UNC13B: variants seen among roughly 807,000 people sequenced by gnomAD.
The protein encoded by UNC13B is unc-13 homolog B, also known as protein unc-13 homolog B.
A neutral mutation model predicts 211.0 loss-of-function variants in UNC13B; 144 were observed. The ratio of observed to expected loss-of-function variants is 0.68; its 90% CI spans 0.60 to 0.78. The LOEUF (loss-of-function observed/expected upper bound fraction) is 0.78, where lower values mean the gene tolerates loss of function less well. Among genes scored for constraint, UNC13B ranks in the 30% least tolerant of loss-of-function variants. The pLI is 0.00. For missense variants in UNC13B, 1,777 were observed against 2,002.0 expected (o/e 0.89, Z 2.14); for synonymous variants, 709 against 725.8 (o/e 0.98, Z 0.37).
At chr9:35,333,862 T>C (rs1327788500) in intron 11 of UNC13B, among the ~76,000 whole-genome samples, 1 of 152,194 alleles carries the variant, frequency 6.6e-6, no homozygotes, top group Non-Finnish European at 1.5e-5. Context: ...GTAATTGGGC[T>C]AATATGCTGG....
intron 1 of UNC13B, among the ~76,000 whole-genome samples, chr9:35,181,090 G>A (rs372819513): frequency 1.7e-3 from 258 of 152,014 alleles, no homozygotes; most frequent in African/African-American, 5.7e-3. Flanking sequence ...AGAATGAGAC[G>A]CTGTTTCAAA....
At chr9:35,200,928 A>G (rs1428435665) in intron 1 of UNC13B, among the ~76,000 whole-genome samples, 7 of 152,180 alleles carry the variant, frequency 4.6e-5, no homozygotes, top group African/African-American at 1.4e-4. Context: ...TTCAAAGGGA[A>G]GGCTTCCAGT....
chr9:35,367,008 G>A lies in UNC13B; in HGVS notation c.9461+15G>A, dbSNP rs1833815688. On this transcript the variant is annotated intron_variant, in intron 12 of 39. Transcript: ENST00000635942. ...CTCCCGGAAGGGTAAGTAATTCACT[G>A]CAAGGTTTCTGTGGATTTTATTCAG... 1 of 1,611,268 alleles carries A rather than the reference G, an allele frequency of 6.2e-7. No homozygotes were observed. Among genetic ancestry groups the A allele is most frequent in the African/African-American group, 1.3e-5 (1 of 74,874 alleles).
intron 11 of UNC13B, among the ~76,000 whole-genome samples, chr9:35,323,106 A>T (rs902896078): frequency 3.3e-5 from 5 of 150,720 alleles, no homozygotes; most frequent in Non-Finnish European, 7.4e-5. Flanking sequence ...TGTCTCATGG[A>T]TCAGTCCAGA....
At chr9:35,221,947 G>A (rs1001845646) in intron 1 of UNC13B, among the ~76,000 whole-genome samples, 1 of 152,152 alleles carries the variant, frequency 6.6e-6, no homozygotes. Context: ...TGGCAATTTT[G>A]TTGAAAATCA....
chr9:35,203,787 GT>G (rs1471981364), intron 1 of UNC13B, among the ~76,000 whole-genome samples: 1 of 152,234 alleles, frequency 6.6e-6, no homozygotes, highest in Admixed American at 6.5e-5. Flanking sequence ...GAGCATGAAA[GT>G]TTGGGAAATT....
At chr9:35,200,665 T>G (rs1055792977) in intron 1 of UNC13B, among the ~76,000 whole-genome samples, 18 of 152,214 alleles carry the variant, frequency 1.2e-4, no homozygotes, top group African/African-American at 4.3e-4. Context: ...GGAATGCTTG[T>G]GATTTTTGCA....
Position 35,370,357 on chromosome 9 carries a change from T to C in UNC13B, c.9501T>C (p.Asp3167=). The C allele has an allele frequency of 6.2e-7, 1 of 1,613,980 alleles. No individual in the cohort carries two copies. The highest frequency in any genetic ancestry group is 8.5e-7 in the Non-Finnish European group (1 of 1,180,006). The change falls in exon 13 of 40, where the codon GAT becomes GAC. Residue 3167 remains aspartate (D), a synonymous_variant. Transcript: ENST00000635942. ...TCTATGGCATTGACAGCATGCCAGA[T>C]TTACGCAGAAAGAAGCCACTGCCAC... ...GGLYGIDSMP[D]LRRKKPLPLV... is the part of the protein sequence containing the mutation.
chr9:35,192,503 A>T (rs1014678868), intron 1 of UNC13B, among the ~76,000 whole-genome samples: 3 of 152,208 alleles, frequency 2.0e-5, no homozygotes, highest in African/African-American at 7.2e-5. Flanking sequence ...GAAAGCTTCT[A>T]TATACCTATC....
At position 35,304,570 on chromosome 9, in the gene UNC13B, T is replaced by C; in HGVS notation, c.5166T>C (p.Ser1722=). 2.5e-6 allele frequency: 1 copy of C among 398,784 alleles called. No individual in the cohort carries two copies. The highest frequency in any genetic ancestry group is 4.4e-6 in the Non-Finnish European group (1 of 225,920). The allele number at this position is 398,784 out of a possible 1,614,324, so 24.7% of individuals were successfully genotyped here. A position where few individuals can be genotyped will look rare whatever the true frequency, so the allele number is the denominator to read the frequency against. Residue 1722 remains serine (S), a synonymous_variant, in exon 9 of 40, where the codon TCT becomes TCC. Coordinates refer to ENST00000635942, the MANE Select transcript of UNC13B (RefSeq NM_001371189.2). ...CCAGTTTCCATTGGCTTCAGTCTTC[T>C]GTTGAAGAAGTTACCACTTTGGTTC... The part of the protein sequence containing the change: ...HLSSFHWLQS[S]VEEVTTLVHP...
intron 16 of UNC13B, 80 bp downstream of exon 16, chr9:35,377,775 G>C (rs2282001): frequency 0.11 from 149,907 of 1,396,532 alleles, 11,917 homozygotes; most frequent in African/African-American, 0.34. Flanking sequence ...CTGAGCGTGA[G>C]GGAGCAAGGG....
intron 11 of UNC13B, among the ~76,000 whole-genome samples, chr9:35,366,668 A>T (rs1833790646): frequency 6.6e-6 from 1 of 152,090 alleles, no homozygotes; most frequent in Admixed American, 6.5e-5. Flanking sequence ...CTCATATAAG[A>T]GTGATATGAG....
intron 6 of UNC13B, among the ~76,000 whole-genome samples, chr9:35,246,331 C>T (rs1020055812): frequency 6.6e-6 from 1 of 152,016 alleles, no homozygotes; most frequent in African/African-American, 2.4e-5. Context: ...GTTTCTTTTG[C>T]TGTGCAGAAG....
chr9:35,318,340 G>A (rs897849098), intron 11 of UNC13B, among the ~76,000 whole-genome samples: 1 of 152,150 alleles, frequency 6.6e-6, no homozygotes, highest in African/African-American at 2.4e-5. Context: ...ATTGGTTGAA[G>A]TTATGTGAGA....
At chr9:35,251,349 G>C (rs1010105962) in intron 6 of UNC13B, among the ~76,000 whole-genome samples, 1 of 152,110 alleles carries the variant, frequency 6.6e-6, no homozygotes, top group African/African-American at 2.4e-5. Context: ...ACTCTGGGGG[G>C]GCCGAGGTGG....
chr9:35,182,855 C>T (rs560233842), intron 1 of UNC13B, among the ~76,000 whole-genome samples: 211 of 152,280 alleles, frequency 1.4e-3, no homozygotes, highest in Non-Finnish European at 2.4e-3. Flanking sequence ...AAAATGGAGT[C>T]TCCTATGTCT....
At chr9:35,381,414 C>CCACA in intron 19 of UNC13B, 142 bp from the exon 20 acceptor site, 1 of 1,111,678 alleles carries the variant, frequency 9.0e-7, no homozygotes, top group Non-Finnish European at 1.3e-6. Context: ...CCTACTGGGG[C>CCACA]CACAGGAGGA....
intron 11 of UNC13B, among the ~76,000 whole-genome samples, chr9:35,332,445 A>G (rs1831427207): frequency 6.6e-6 from 1 of 151,888 alleles, no homozygotes; most frequent in South Asian, 2.1e-4. Flanking sequence ...CTAGTCACCC[A>G]CTCAAAATCA....
In UNC13B at chr9:35,278,772, C is replaced by T. The variant is rs537839690; in HGVS notation, c.527-16924C>T. 1.1e-4 allele frequency among the ~76,000 whole-genome samples: 16 copies of T among 152,170 alleles called. 1 individual carries two copies. In the South Asian group the frequency reaches 3.3e-3, roughly 32 times the overall value. ...AAACATGTGCATAAGGTACAAAATTCGATGTAAAAATGTATGCTATGAAAA... is the reference window on the plus strand; with the variant it reads ...AAACATGTGCATAAGGTACAAAATTTGATGTAAAAATGTATGCTATGAAAA... On this transcript the variant is annotated intron_variant, in intron 7 of 39. Coordinates refer to ENST00000635942, the MANE Select transcript of UNC13B (RefSeq NM_001371189.2).
Sources: gnomAD v4.1 joint callset for allele counts (sites outside exome capture counted in the v4.1 genomes callset) on GRCh38, gnomAD v4.1.1 for gene constraint, MANE v1.5 for transcripts, NCBI Gene and HGNC (gene_info 2026-07-23, HGNC 2026-07-21) for gene names.